The following UBE2E3 variants were observed in gnomAD, a reference collection of about 807,000 sequenced individuals.
UBE2E3 encodes ubiquitin-conjugating enzyme E2 E3.
UBE2E3 carries 5 observed loss-of-function variants against 23.6 expected under a neutral mutation model. That is an observed-to-expected ratio of 0.21 (90% CI 0.11 to 0.44). The LOEUF (loss-of-function observed/expected upper bound fraction) is 0.44. Among genes scored for constraint, UBE2E3 ranks in the 20% least tolerant of loss-of-function variants. The probability of loss-of-function intolerance (pLI) is 0.99; values close to 1 mark genes in which losing one functional copy is unlikely to be tolerated. For synonymous variants in UBE2E3, 78 were observed against 87.5 expected (o/e 0.89, Z 0.60); for missense variants, 81 against 249.8 (o/e 0.32, Z 4.55).
At chr2:180,987,413 A>T (rs1189157637) in intron 3 of UBE2E3, 2 of 1,549,442 alleles carry the variant, frequency 1.3e-6, no homozygotes, top group Admixed American at 3.9e-5. Context: ...TTTCTAACTT[A>T]ACCCCTAATT....
intron 3 of UBE2E3, among the ~76,000 whole-genome samples, chr2:181,012,038 A>ACTGCAAGG (rs538971221): frequency 3.3e-5 from 5 of 152,166 alleles, no homozygotes; most frequent in Admixed American, 1.3e-4. Flanking sequence ...GCTTTGCTCT[A>ACTGCAAGG]CTGCAAGGTA....
At chr2:181,004,972 C>G (rs1184356924) in intron 3 of UBE2E3, among the ~76,000 whole-genome samples, 3 of 152,204 alleles carry the variant, frequency 2.0e-5, no homozygotes, top group South Asian at 2.1e-4. Flanking sequence ...CATATACTTG[C>G]ATACTGTCAG....
chr2:181,012,702 C>T (rs1217319396), intron 3 of UBE2E3, among the ~76,000 whole-genome samples: 4 of 152,086 alleles, frequency 2.6e-5, no homozygotes, highest in Non-Finnish European at 5.9e-5. Flanking sequence ...ACCCATATCC[C>T]TAGTTGTTAG....
intron 3 of UBE2E3, among the ~76,000 whole-genome samples, chr2:181,021,562 T>TCCTC (rs1685681875): frequency 2.0e-4 from 7 of 35,322 alleles, no homozygotes; most frequent in African/African-American, 3.6e-4. Context: ...CTCCCTTCCT[T>TCCTC]CCTTCCTTCC....
At chr2:180,998,060 ATTAAC>A (rs1024866595) in intron 3 of UBE2E3, among the ~76,000 whole-genome samples, 2 of 152,168 alleles carry the variant, frequency 1.3e-5, no homozygotes, top group Non-Finnish European at 2.9e-5. Flanking sequence ...AATAATTTTA[ATTAAC>A]TTAGTTGAAA....
At chr2:181,009,295 A>C (rs1042176239) in intron 3 of UBE2E3, among the ~76,000 whole-genome samples, 7 of 152,094 alleles carry the variant, frequency 4.6e-5, no homozygotes, top group Admixed American at 1.3e-4. Context: ...CTTTTATACT[A>C]TTTATCTATA....
Position 181,060,832 on chromosome 2 carries a change from C to T in UBE2E3, c.526+20C>T. ...ACCCTGGTAAGCAAATCTTTATTAACATGTACAATAAGACTACAAAAACGA... is the reference window on the plus strand; with the variant it reads ...ACCCTGGTAAGCAAATCTTTATTAATATGTACAATAAGACTACAAAAACGA... On this transcript the variant is annotated intron_variant, in intron 5 of 5. Coordinates refer to ENST00000410062, the MANE Select transcript of UBE2E3 (RefSeq NM_006357.4). 1.1e-6 allele frequency: 1 copy of T among 951,978 alleles called. No individual in the cohort carries two copies. Among genetic ancestry groups the T allele is most frequent in the Non-Finnish European group, 1.5e-6 (1 of 663,286 alleles). 59.0% of individuals were successfully genotyped at this position (951,978 alleles called of 1,614,324 possible).
chr2:181,032,251 G>A (rs972126360), intron 3 of UBE2E3, among the ~76,000 whole-genome samples: 1 of 152,160 alleles, frequency 6.6e-6, no homozygotes, highest in East Asian at 1.9e-4. Flanking sequence ...AAGTAAAATA[G>A]AATATGGTCT....
intron 3 of UBE2E3, among the ~76,000 whole-genome samples, chr2:181,043,554 TA>T (rs1574214733): frequency 6.6e-6 from 1 of 152,134 alleles, no homozygotes; most frequent in Admixed American, 6.6e-5. Context: ...TCCAAAAATA[TA>T]AAAAAAGTTA....
At chr2:180,984,990 C>G (rs1053657297) in intron 3 of UBE2E3, among the ~76,000 whole-genome samples, 1 of 151,998 alleles carries the variant, frequency 6.6e-6, no homozygotes, top group Non-Finnish European at 1.5e-5. Flanking sequence ...TTTGATAGGA[C>G]AATGTTTTCA....
chr2:181,005,050 A>G (rs1436653917), intron 3 of UBE2E3, among the ~76,000 whole-genome samples: 2 of 152,242 alleles, frequency 1.3e-5, no homozygotes, highest in African/African-American at 4.8e-5. Flanking sequence ...CCTGTATCAG[A>G]ACTTATTTGG....
intron 3 of UBE2E3, among the ~76,000 whole-genome samples, chr2:180,985,072 G>A (rs1411299126): frequency 1.3e-5 from 2 of 152,104 alleles, no homozygotes; most frequent in African/African-American, 4.8e-5. Context: ...AAGTCTGCTT[G>A]TGATATAATA....
chr2:181,006,087 G>C (rs1685140274), intron 3 of UBE2E3, among the ~76,000 whole-genome samples: 1 of 152,220 alleles, frequency 6.6e-6, no homozygotes, highest in African/African-American at 2.4e-5. Context: ...CTGAAGAACA[G>C]AATTGGGAGG....
intron 3 of UBE2E3, among the ~76,000 whole-genome samples, chr2:181,013,786 G>T (rs529995642): frequency 3.2e-4 from 48 of 152,132 alleles, no homozygotes; most frequent in Non-Finnish European, 5.3e-4. Flanking sequence ...GCTTTTGTTG[G>T]AGGTAATCAG....
intron 3 of UBE2E3, among the ~76,000 whole-genome samples, chr2:180,994,234 T>C (rs1371713171): frequency 3.9e-5 from 6 of 152,304 alleles, no homozygotes; most frequent in Non-Finnish European, 7.4e-5. Context: ...GTTGCAATTA[T>C]CACTTTTCCC....
At chr2:180,985,845 A>G (rs1346589629) in intron 3 of UBE2E3, among the ~76,000 whole-genome samples, 2 of 152,176 alleles carry the variant, frequency 1.3e-5, no homozygotes, top group East Asian at 1.9e-4. Context: ...ATGTACGTGC[A>G]TAAATCTAGA....
chr2:180,997,390 CT>C (rs904859436), intron 3 of UBE2E3, among the ~76,000 whole-genome samples: 3 of 151,546 alleles, frequency 2.0e-5, no homozygotes, highest in Non-Finnish European at 4.4e-5. Context: ...TATTCTGTTT[CT>C]TTTTTGTTTT....
intron 3 of UBE2E3, among the ~76,000 whole-genome samples, chr2:181,044,865 A>G (rs932258890): frequency 3.3e-5 from 5 of 152,182 alleles, no homozygotes; most frequent in African/African-American, 1.2e-4. Flanking sequence ...TAGTAGTTAT[A>G]TAATGTCAGT....
intron 5 of UBE2E3, 78 bp from the exon 6 acceptor site, chr2:181,062,713 C>A: frequency 1.4e-6 from 1 of 721,198 alleles, no homozygotes; most frequent in Non-Finnish European, 2.2e-6. Context: ...ATAAGCATTT[C>A]ATTTTAATAG....
Sources: allele counts gnomAD v4.1 joint callset (sites outside exome capture counted in the v4.1 genomes callset), GRCh38; gene constraint gnomAD v4.1.1; transcripts MANE v1.5; gene names NCBI Gene and HGNC (gene_info 2026-07-23, HGNC 2026-07-21).